EFNA5: variants seen among roughly 807,000 people sequenced by gnomAD.
The protein encoded by EFNA5 is ephrin-A5.
A neutral mutation model predicts 22.9 loss-of-function variants in EFNA5; 5 were observed. The observed-to-expected ratio is 0.22, with a 90% confidence interval of 0.11 to 0.46. The LOEUF (loss-of-function observed/expected upper bound fraction) is 0.46, where lower values mean the gene tolerates loss of function less well. EFNA5 is among the 20% of genes least tolerant of loss of function. The pLI is 0.99. For missense variants in EFNA5, 237 were observed against 293.3 expected, an observed-to-expected ratio of 0.81 and a Z score of 1.40; for synonymous variants, 113 against 112.2, an observed-to-expected ratio of 1.01 and a Z score of -0.04.
intron 1 of EFNA5, among the ~76,000 whole-genome samples, chr5:107,545,537 T>C (rs535595200): frequency 6.6e-6 from 1 of 152,264 alleles, no homozygotes; most frequent in Non-Finnish European, 1.5e-5. Context: ...CATTCATTAA[T>C]TAAGGATGAG....
At chr5:107,452,248 G>T (rs550963267) in intron 1 of EFNA5, among the ~76,000 whole-genome samples, 1 of 151,922 alleles carries the variant, frequency 6.6e-6, no homozygotes, top group Admixed American at 6.6e-5. Flanking sequence ...CTTAGAGGAC[G>T]GGTCAATAGG....
At chr5:107,555,490 C>T (rs1748392038) in intron 1 of EFNA5, among the ~76,000 whole-genome samples, 1 of 152,144 alleles carries the variant, frequency 6.6e-6, no homozygotes, top group Admixed American at 6.5e-5. Flanking sequence ...AGGCTGAAGT[C>T]ATCAATGTAA....
intron 1 of EFNA5, among the ~76,000 whole-genome samples, chr5:107,456,808 G>A (rs1284876514): frequency 2.0e-5 from 3 of 152,020 alleles, no homozygotes; most frequent in African/African-American, 7.2e-5. Context: ...AGAAATTTGG[G>A]GAAGGAAATC....
intron 2 of EFNA5, among the ~76,000 whole-genome samples, chr5:107,420,522 T>TAAAAAAAAAAAA (rs368304882): frequency 3.7e-5 from 4 of 109,076 alleles, no homozygotes; most frequent in Non-Finnish European, 5.3e-5. Context: ...TCTGTGCTTT[T>TAAAAAAAAAAAA]AAAAAAAAAA....
At chr5:107,421,280 T>A (rs569838349) in intron 2 of EFNA5, among the ~76,000 whole-genome samples, 1 of 152,320 alleles carries the variant, frequency 6.6e-6, no homozygotes, top group East Asian at 1.9e-4. Context: ...AAAAATGATG[T>A]CCATAGTAAC....
intron 1 of EFNA5, among the ~76,000 whole-genome samples, chr5:107,604,637 G>T (rs1046268467): frequency 2.6e-5 from 4 of 152,270 alleles, no homozygotes; most frequent in African/African-American, 9.6e-5. Context: ...ATATCATAAT[G>T]CAAGTTGCAA....
intron 1 of EFNA5, among the ~76,000 whole-genome samples, chr5:107,636,495 AT>A (rs2112540348): frequency 6.6e-6 from 1 of 152,370 alleles, no homozygotes; most frequent in South Asian, 2.1e-4. Context: ...TTTTAACCAA[AT>A]GACATGTAAG....
chr5:107,589,043 C>A (rs1031483357), intron 1 of EFNA5, among the ~76,000 whole-genome samples: 1 of 152,118 alleles, frequency 6.6e-6, no homozygotes, highest in Non-Finnish European at 1.5e-5. Flanking sequence ...TAAGCCAAGC[C>A]CCTACCTGCT....
intron 1 of EFNA5, among the ~76,000 whole-genome samples, chr5:107,482,339 A>T (rs74691450): frequency 0.023 from 3,471 of 152,060 alleles, 136 homozygotes; most frequent in African/African-American, 0.079. Context: ...TTTTGTTTAA[A>T]TTAGGCAAAT....
intron 2 of EFNA5, among the ~76,000 whole-genome samples, chr5:107,399,380 G>A (rs566237356): frequency 6.8e-6 from 1 of 146,346 alleles, no homozygotes; most frequent in Admixed American, 6.9e-5. Context: ...AGGGAGGAAG[G>A]AAGGAAGGAA....
At chr5:107,557,666 A>G (rs533019711) in intron 1 of EFNA5, among the ~76,000 whole-genome samples, 40 of 152,222 alleles carry the variant, frequency 2.6e-4, no homozygotes, top group African/African-American at 8.9e-4. Flanking sequence ...AAGGGGATTT[A>G]AAAAGAGGCT....
intron 1 of EFNA5, among the ~76,000 whole-genome samples, chr5:107,614,427 T>C (rs765155888): frequency 3.3e-5 from 5 of 152,182 alleles, no homozygotes; most frequent in Non-Finnish European, 7.4e-5. Context: ...AAATGTGCAA[T>C]TTATTTTTAA....
intron 1 of EFNA5, among the ~76,000 whole-genome samples, chr5:107,634,127 GACCGGTC>G (rs1192280461): frequency 6.6e-6 from 1 of 152,188 alleles, no homozygotes; most frequent in Non-Finnish European, 1.5e-5. Flanking sequence ...CAGTAGAGGT[GACCGGTC>G]TAACCCCCTT....
rs1190732393 is a variant in EFNA5 at position 107,378,052 on chromosome 5, C to G, written c.*3203G>C. Reference sequence around the variant, plus strand: ...CAGCCATGGTACACATTGGATGTTTCAAAGCCTCAATGCATGTTTTGTATC... The same window carrying G: ...CAGCCATGGTACACATTGGATGTTTGAAAGCCTCAATGCATGTTTTGTATC... On this transcript the variant is annotated 3_prime_UTR_variant, in exon 5 of 5. Transcript: ENST00000333274. The G allele has an allele frequency of 6.6e-6, 1 of 152,140 alleles. No individual in the cohort carries two copies. Among genetic ancestry groups the G allele is most frequent in the Non-Finnish European group, 1.5e-5 (1 of 68,022 alleles). The allele number at this position is 152,140 out of a possible 1,614,324, so 9.4% of individuals were successfully genotyped here. A position where few individuals can be genotyped will look rare whatever the true frequency, so the allele number is the denominator to read the frequency against.
chr5:107,662,962 A>G (rs796382054), intron 1 of EFNA5, among the ~76,000 whole-genome samples: 5 of 152,224 alleles, frequency 3.3e-5, no homozygotes, highest in African/African-American at 1.2e-4. Flanking sequence ...AACATGGTAC[A>G]GCCCAACATT....
At chr5:107,599,723 C>G (rs975118361) in intron 1 of EFNA5, among the ~76,000 whole-genome samples, 1 of 152,142 alleles carries the variant, frequency 6.6e-6, no homozygotes, top group African/African-American at 2.4e-5. Context: ...GGGCATGGAA[C>G]AAAACTTTAG....
At chr5:107,434,756 C>T (rs1157700295) in intron 1 of EFNA5, among the ~76,000 whole-genome samples, 3 of 152,172 alleles carry the variant, frequency 2.0e-5, no homozygotes, top group Non-Finnish European at 4.4e-5. Flanking sequence ...TCCCCCTTCA[C>T]ATTATGTTTT....
At chr5:107,654,409 T>C (rs994335708) in intron 1 of EFNA5, among the ~76,000 whole-genome samples, 2 of 152,122 alleles carry the variant, frequency 1.3e-5, no homozygotes, top group African/African-American at 4.8e-5. Flanking sequence ...GAAATTTTAC[T>C]AAAATGATTA....
intron 1 of EFNA5, among the ~76,000 whole-genome samples, chr5:107,494,115 G>A (rs1045264768): frequency 1.2e-4 from 18 of 152,218 alleles, no homozygotes; most frequent in African/African-American, 4.3e-4. Context: ...CTCGCTCTGG[G>A]TGCCTCCTCT....
Sources: allele counts gnomAD v4.1 joint callset (sites outside exome capture counted in the v4.1 genomes callset), GRCh38; gene constraint gnomAD v4.1.1; transcripts MANE v1.5; gene names NCBI Gene and HGNC (gene_info 2026-07-23, HGNC 2026-07-21).